SCHIP1: variants seen among roughly 807,000 people sequenced by gnomAD.
The protein encoded by SCHIP1 is schwannomin interacting protein 1.
A neutral mutation model predicts 29.7 loss-of-function variants in SCHIP1; 8 were observed. The observed-to-expected ratio is 0.27, with a 90% CI of 0.16 to 0.49. The LOEUF is 0.49. Among genes scored for constraint, SCHIP1 ranks in the 20% least tolerant of loss-of-function variants. The probability of loss-of-function intolerance (pLI) is 0.99; values close to 1 mark genes in which losing one functional copy is unlikely to be tolerated. For missense variants in SCHIP1, 193 were observed against 294.6 expected, an observed-to-expected ratio of 0.66 and a Z score of 2.52; for synonymous variants, 76 against 94.9, an observed-to-expected ratio of 0.80 and a Z score of 1.16.
At chr3:159,437,735 C>T in the SCHIP1 span, among the ~76,000 whole-genome samples, 3 of 152,018 alleles carry the variant, frequency 2.0e-5, no homozygotes, top group Non-Finnish European at 4.4e-5. Flanking sequence ...CAAAGGAAGC[C>T]TTGTAATGGA....
chr3:159,491,140 G>A, the SCHIP1 span, among the ~76,000 whole-genome samples: 18 of 152,298 alleles, frequency 1.2e-4, no homozygotes, highest in Middle Eastern at 6.8e-3. Flanking sequence ...CAAGATGGCC[G>A]AATAGGAGCA....
the SCHIP1 span, among the ~76,000 whole-genome samples, chr3:159,506,364 T>C: frequency 6.6e-6 from 1 of 152,228 alleles, no homozygotes; most frequent in Non-Finnish European, 1.5e-5. Context: ...TTCTGAATAT[T>C]AGCCCTTTGT....
the SCHIP1 span, among the ~76,000 whole-genome samples, chr3:159,462,247 T>A: frequency 6.6e-6 from 1 of 151,858 alleles, no homozygotes; most frequent in South Asian, 2.1e-4. Flanking sequence ...AATAAAACCA[T>A]CTGAAATGTC....
At chr3:159,674,197 T>A in the SCHIP1 span, among the ~76,000 whole-genome samples, 1 of 152,222 alleles carries the variant, frequency 6.6e-6, no homozygotes, top group Non-Finnish European at 1.5e-5. Flanking sequence ...TTCATATATT[T>A]ATAAAATGTA....
At chr3:159,464,315 T>A in the SCHIP1 span, among the ~76,000 whole-genome samples, 3 of 152,186 alleles carry the variant, frequency 2.0e-5, no homozygotes, top group Non-Finnish European at 1.5e-5. Flanking sequence ...TTGTGTGAGT[T>A]CTGGTGAGCT....
At chr3:159,868,177 A>G (rs1420076491) in intron 2 of SCHIP1, among the ~76,000 whole-genome samples, 1 of 151,282 alleles carries the variant, frequency 6.6e-6, no homozygotes, top group Non-Finnish European at 1.5e-5. Context: ...ATATGGATGT[A>G]TACATATATA....
the SCHIP1 span, among the ~76,000 whole-genome samples, chr3:159,623,671 GCTT>G: frequency 6.6e-6 from 1 of 152,142 alleles, no homozygotes; most frequent in African/African-American, 2.4e-5. Context: ...CATGGAAACT[GCTT>G]CTTACATTAC....
intron 1 of SCHIP1, among the ~76,000 whole-genome samples, chr3:159,862,066 T>C (rs1473833379): frequency 6.6e-6 from 1 of 152,116 alleles, no homozygotes; most frequent in African/African-American, 2.4e-5. Flanking sequence ...GTAAGGAGAG[T>C]GGTCCTGATG....
intron 2 of SCHIP1, among the ~76,000 whole-genome samples, chr3:159,873,883 A>G (rs1471159080): frequency 6.6e-6 from 1 of 152,148 alleles, no homozygotes; most frequent in African/African-American, 2.4e-5. Context: ...TTTTTCTATT[A>G]TTACTAGTAT....
At chr3:159,397,543 A>G in the SCHIP1 span, among the ~76,000 whole-genome samples, 2 of 152,306 alleles carry the variant, frequency 1.3e-5, no homozygotes, top group South Asian at 2.1e-4. Flanking sequence ...TCTAAAAGAT[A>G]GGACCCTCAG....
At chr3:159,728,024 C>G in the SCHIP1 span, among the ~76,000 whole-genome samples, 1 of 146,284 alleles carries the variant, frequency 6.8e-6, no homozygotes, top group Non-Finnish European at 1.5e-5. Context: ...TTTAAAAAGG[C>G]AATCTGTAAT....
chr3:159,456,013 G>A, the SCHIP1 span, among the ~76,000 whole-genome samples: 174 of 152,306 alleles, frequency 1.1e-3, no homozygotes, highest in African/African-American at 4.1e-3. Context: ...CGGCTGAGCA[G>A]TATTAAGTCT....
chr3:159,295,435 GTCAATCAA>G, the SCHIP1 span, among the ~76,000 whole-genome samples: 4 of 151,500 alleles, frequency 2.6e-5, no homozygotes, highest in East Asian at 1.9e-4. Context: ...TCTCACAAAA[GTCAATCAA>G]TCAATCAATC....
the SCHIP1 span, among the ~76,000 whole-genome samples, chr3:159,510,255 T>A: frequency 6.6e-6 from 1 of 152,214 alleles, no homozygotes; most frequent in Non-Finnish European, 1.5e-5. Flanking sequence ...TCCAGTTGAT[T>A]GAATCGGCTA....
At chr3:159,694,565 A>C in the SCHIP1 span, among the ~76,000 whole-genome samples, 1 of 147,622 alleles carries the variant, frequency 6.8e-6, no homozygotes, top group African/African-American at 2.6e-5. Context: ...AGAAAGAAAG[A>C]AAGAAAGAAA....
At chr3:159,663,292 G>A in the SCHIP1 span, among the ~76,000 whole-genome samples, 1 of 152,130 alleles carries the variant, frequency 6.6e-6, no homozygotes, top group Non-Finnish European at 1.5e-5. Flanking sequence ...AGTAACCCTT[G>A]GAGTGTGTAC....
At chr3:159,840,072 GC>G in exon 1 of SCHIP1, 1 of 1,516,478 alleles carries the variant, frequency 6.6e-7, no homozygotes, top group Non-Finnish European at 8.8e-7. Context: ...TCTGCGGGGA[GC>G]CCCTGCCTTA....
the SCHIP1 span, among the ~76,000 whole-genome samples, chr3:159,476,871 T>A: frequency 2.0e-3 from 306 of 152,268 alleles, 2 homozygotes; most frequent in African/African-American, 7.0e-3. Context: ...TTATTGTCAC[T>A]GTGCTGTGGA....
the SCHIP1 span, among the ~76,000 whole-genome samples, chr3:159,279,195 G>C: frequency 6.6e-6 from 1 of 152,140 alleles, no homozygotes. Flanking sequence ...ATGGGAGCAG[G>C]TTTTTCCTGT....
Sources: gnomAD v4.1 joint callset for allele counts (sites outside exome capture counted in the v4.1 genomes callset) on GRCh38, gnomAD v4.1.1 for gene constraint, MANE v1.5 for transcripts, NCBI Gene and HGNC (gene_info 2026-07-23, HGNC 2026-07-21) for gene names.